Variants in MCMBP observed in about 807,000 individuals in gnomAD.
MCMBP encodes mini-chromosome maintenance complex-binding protein.
In MCMBP, 31 loss-of-function variants were observed where a neutral mutation model predicts 81.3. That is an observed-to-expected ratio of 0.38 (90% CI 0.29 to 0.51). The LOEUF is 0.51. Among genes scored for constraint, MCMBP ranks in the 20% least tolerant of loss-of-function variants. MCMBP has a pLI of 0.87. For synonymous variants in MCMBP, 267 were observed against 275.9 expected, an observed-to-expected ratio of 0.97 and a Z score of 0.32; for missense variants, 645 against 772.1, an observed-to-expected ratio of 0.84 and a Z score of 1.95.
intron 1 of MCMBP, among the ~76,000 whole-genome samples, chr10:119,872,234 A>G (rs1395062306): frequency 6.6e-6 from 1 of 151,174 alleles, no homozygotes; most frequent in Non-Finnish European, 1.5e-5. Flanking sequence ...GCTGGGAGCG[A>G]GGCCGTCAAT....
chr10:119,831,833 T>G (rs183270970), intron 15 of MCMBP, among the ~76,000 whole-genome samples, 179 bp downstream of exon 15: 1 of 152,298 alleles, frequency 6.6e-6, no homozygotes, highest in Admixed American at 6.5e-5. Context: ...AGCATGCCTG[T>G]TCCACTGAAG....
chr10:119,849,673 G>T, intron 6 of MCMBP, 97 bp from the exon 7 acceptor site: 1 of 1,109,990 alleles, frequency 9.0e-7, no homozygotes, highest in Non-Finnish European at 1.2e-6. Context: ...TATACGTGAT[G>T]CTTCTGAGCT....
chr10:119,849,282 CTT>C, intron 7 of MCMBP, 141 bp downstream of exon 7: 1 of 797,104 alleles, frequency 1.3e-6, no homozygotes, highest in South Asian at 1.9e-5. Flanking sequence ...AGATGATAAA[CTT>C]TTGCTGCTTT....
At chr10:119,838,363 T>G (rs189173396) in intron 12 of MCMBP, among the ~76,000 whole-genome samples, 172 bp downstream of exon 12, 1 of 151,582 alleles carries the variant, frequency 6.6e-6, no homozygotes, top group African/African-American at 2.4e-5. Context: ...AAAACATAGT[T>G]GGTGTATATA....
Position 119,859,904 on chromosome 10 carries a change from T to C in MCMBP, c.59-20A>G. On this transcript the variant is annotated intron_variant, in intron 1 of 15. Transcript: ENST00000369077. ...TTTGGGCTGAAAGAGAAATATACTT[T>C]TCAAAGCTAATGTACATGCAATATA... The C allele has an allele frequency of 6.4e-7, 1 of 1,567,152 alleles. No individual in the cohort carries two copies. Among genetic ancestry groups the C allele is most frequent in the Non-Finnish European group, 8.8e-7 (1 of 1,141,088 alleles).
rs758352174 is a variant in MCMBP at position 119,849,619 on chromosome 10, C to T, written c.575-43G>A. The T allele has an allele frequency of 6.0e-6, 9 of 1,504,230 alleles. No individual in the cohort carries two copies. The Admixed American group carries it at 1.6e-4, about 27-fold the overall frequency. The allele number at this position is 1,504,230 out of a possible 1,614,324, so 93.2% of individuals were successfully genotyped here. On this transcript the variant is annotated intron_variant, in intron 6 of 15. Coordinates refer to ENST00000369077, the MANE Select transcript of MCMBP (RefSeq NM_001256378.2). ...CATTGCACTTAGTCATTTCTAAGGC[C>T]TCCTGGAGAAAAAGAACATTCCATA... is the stretch of plus-strand genomic sequence containing the variant.
intron 14 of MCMBP, among the ~76,000 whole-genome samples, chr10:119,834,680 A>C (rs554116140): frequency 1.3e-4 from 19 of 151,782 alleles, no homozygotes; most frequent in African/African-American, 3.9e-4. Context: ...ACACACACCC[A>C]AACAAAACAA....
intron 1 of MCMBP, among the ~76,000 whole-genome samples, chr10:119,862,855 T>C (rs1215941657): frequency 1.3e-5 from 2 of 152,246 alleles, no homozygotes; most frequent in Middle Eastern, 3.2e-3. Context: ...TTTTAGCTGT[T>C]CTAATATGCA....
rs1479367857 is a variant in MCMBP, at chr10:119,838,595, T to C, written c.1348A>G (p.Ser450Gly). 2 of 1,614,168 alleles carry C rather than the reference T, an allele frequency of 1.2e-6. No individual in the cohort carries two copies. Residue 450 changes from serine to glycine, a missense_variant, in exon 12 of 16, where the codon AGC (serine) becomes GGC (glycine). Transcript: ENST00000369077. ...RLVSGLLQLP[S>G]NTSLVIDETL... is the part of the protein sequence containing the mutation. ...TCATCGATTACAAGGGAAGTATTGC[T>C]GGGCAGCTGGAGGAGCCCACTGACC...
Position 119,840,848 on chromosome 10 carries a change from G to T in MCMBP, c.1237C>A (p.Pro413Thr). Residue 413 changes from proline (P) to threonine (T), a missense_variant, in exon 11 of 16, where the codon CCA becomes ACA. By Grantham distance (38) the Pro-to-Thr change is conservative (BLOSUM62 -1). Transcript: ENST00000369077. ...HLYRIIQHLV[P>T]ASFRLQMTIE... ...CATATTTATATTCATCTTACTGCTG[G>T]AACAAGATGTTGAATAATTCGATAC... The T allele has an allele frequency of 6.3e-7, 1 of 1,577,452 alleles. No individual in the cohort carries two copies. Among genetic ancestry groups the T allele is most frequent in the Non-Finnish European group, 8.6e-7 (1 of 1,158,262 alleles).
chr10:119,831,443 T>C lies in MCMBP; in HGVS notation c.*31A>G, dbSNP rs1468850998. 6.2e-7 allele frequency: 1 copy of C among 1,611,372 alleles called. No individual in the cohort carries two copies. The highest frequency in any genetic ancestry group is 1.1e-5 in the South Asian group (1 of 90,544). On this transcript the variant is annotated 3_prime_UTR_variant, in exon 16 of 16. Coordinates refer to ENST00000369077, the MANE Select transcript of MCMBP (RefSeq NM_001256378.2). ...AATTTTACAATTATGTGGCTACAGT[T>C]TGCCCATTACTCTTCATAGGTATTA...
At chr10:119,855,009 G>GA (rs1227579885) in intron 5 of MCMBP, among the ~76,000 whole-genome samples, 2 of 150,686 alleles carry the variant, frequency 1.3e-5, no homozygotes, top group African/African-American at 4.9e-5. Context: ...ATCGCTAAAG[G>GA]AAATGATGCC....
Position 119,835,599 on chromosome 10 carries a change from G to A in MCMBP, c.1648C>T (p.Arg550Cys), listed in dbSNP as rs765834860. 3.1e-6 allele frequency: 5 copies of A among 1,614,162 alleles called. No individual in the cohort carries two copies. Among genetic ancestry groups the A allele is most frequent in the East Asian group, 2.2e-5 (1 of 44,890 alleles). ...AVLPSVLNKF[R>C]IYLTLLRFLE... ...AATCTCAAAAGAGTTAGATAAATGC[G>A]GAATTTGTTCAGCACGGAAGGCAGC... The change falls in exon 14 of 16, where the codon CGC becomes TGC. Residue 550 changes from arginine (R) to cysteine (C), a missense_variant. Transcript: ENST00000369077.
In MCMBP at chr10:119,831,479, G is replaced by C; in HGVS notation, c.1918C>G (p.Leu640Val). 1 of 1,613,832 alleles carries C rather than the reference G, an allele frequency of 6.2e-7. No individual in the cohort carries two copies. ...TCTTCATAGGTATTACATCTTTAAA[G>C]TTCATTTCCATTCACACATTTTTGC... Reference protein sequence around the residue: ...QQQKCVNGNEL With the variant: ...QQQKCVNGNEV Residue 640 changes from leucine to valine, a missense_variant, in exon 16 of 16, where the codon CTT (leucine) becomes GTT (valine). Transcript: ENST00000369077.
Position 119,830,532 on chromosome 10 carries a change from C to CT in MCMBP, c.*941dup. The CT allele has an allele frequency of 6.6e-6, 1 of 152,274 alleles. No individual in the cohort carries two copies. The highest frequency in any genetic ancestry group is 3.4e-3 in the Middle Eastern group (1 of 294). 9.4% of individuals were successfully genotyped at this position (152,274 alleles called of 1,614,324 possible). ...TGACATTTAAGAAAATAAAAACTTT[C>CT]TAAAGGGGGTATTGCTTTTTAAGTT... is the stretch of plus-strand genomic sequence containing the variant. On this transcript the variant is annotated 3_prime_UTR_variant, in exon 16 of 16. Coordinates refer to ENST00000369077, the MANE Select transcript of MCMBP (RefSeq NM_001256378.2).
At chr10:119,859,275 TACAC>T (rs34034506) in intron 2 of MCMBP, 94 bp from the exon 3 acceptor site, 61,175 of 590,864 alleles carry the variant, frequency 0.1, 1,144 homozygotes, top group East Asian at 0.23. Context: ...CTCAAACTGT[TACAC>T]ACACACACAC....
At chr10:119,857,097 CAAAAAAAA>C (rs34331152) in intron 5 of MCMBP, among the ~76,000 whole-genome samples, 1 of 82,494 alleles carries the variant, frequency 1.2e-5, no homozygotes, top group African/African-American at 5.1e-5. Context: ...GTCCCTATCT[CAAAAAAAA>C]AAAAAAAAAA....
At position 119,859,297 on chromosome 10, in the gene MCMBP, CACACACA is replaced by C. The variant is rs540515941; in HGVS notation, c.145-123_145-117del. The C allele has an allele frequency of 3.0e-4, 257 of 844,484 alleles. 1 individual carries two copies. The African/African-American group carries it at 3.8e-3, about 13-fold the overall frequency. 52.3% of individuals were successfully genotyped at this position (844,484 alleles called of 1,614,324 possible). On this transcript the variant is annotated intron_variant, in intron 2 of 15. Coordinates refer to ENST00000369077, the MANE Select transcript of MCMBP (RefSeq NM_001256378.2). ...TGTTACACACACACACACACACACACACACACACCCATGCCACATCAGAGAGCCAAAT... is the reference window on the plus strand; with the variant it reads ...TGTTACACACACACACACACACACACCCCATGCCACATCAGAGAGCCAAAT...
At chr10:119,850,595 A>C (rs1852775431) in intron 6 of MCMBP, among the ~76,000 whole-genome samples, 1 of 151,714 alleles carries the variant, frequency 6.6e-6, no homozygotes, top group Non-Finnish European at 1.5e-5. Flanking sequence ...TAAAAATACA[A>C]AAAATTAGCC....
Sources: allele counts gnomAD v4.1 joint callset (sites outside exome capture counted in the v4.1 genomes callset), GRCh38; gene constraint gnomAD v4.1.1; transcripts MANE v1.5; gene names NCBI Gene and HGNC (gene_info 2026-07-23, HGNC 2026-07-21).